NOL4: variants seen among roughly 807,000 people sequenced by gnomAD.
The protein encoded by NOL4 is nucleolar protein 4.
A neutral mutation model predicts 75.9 loss-of-function variants in NOL4; 17 were observed. The ratio of observed to expected loss-of-function variants is 0.22; its 90% CI spans 0.15 to 0.34. The LOEUF is 0.34. Ranked by LOEUF, NOL4 falls within the 10% of genes least tolerant of loss-of-function variation. NOL4 has a pLI of 1.00. For synonymous variants in NOL4, 292 were observed against 289.9 expected (o/e 1.01, Z -0.07); for missense variants, 614 against 793.5 (o/e 0.77, Z 2.72).
intron 9 of NOL4, among the ~76,000 whole-genome samples, chr18:33,916,239 G>T (rs894190032): frequency 2.0e-5 from 3 of 152,072 alleles, no homozygotes; most frequent in Non-Finnish European, 2.9e-5. Context: ...GACTCTCTAT[G>T]TTTCATGAGT....
At chr18:34,210,617 A>G (rs759649544) in intron 1 of NOL4, among the ~76,000 whole-genome samples, 1 of 152,204 alleles carries the variant, frequency 6.6e-6, no homozygotes, top group Non-Finnish European at 1.5e-5. Context: ...AAGAAAGAGA[A>G]AGTTAGTGTT....
chr18:33,880,421 T>G (rs1363309211), intron 10 of NOL4, among the ~76,000 whole-genome samples: 1 of 151,928 alleles, frequency 6.6e-6, no homozygotes, highest in East Asian at 1.9e-4. Flanking sequence ...TATCCATGTA[T>G]TTTTTCCTCA....
chr18:34,022,742 C>A (rs910951309), intron 5 of NOL4, among the ~76,000 whole-genome samples: 1 of 151,794 alleles, frequency 6.6e-6, no homozygotes, highest in Non-Finnish European at 1.5e-5. Flanking sequence ...GGTTAAATAA[C>A]CCTAAGTATA....
At position 34,224,545 on chromosome 18, in the gene NOL4, A is replaced by C. The variant is rs1184387294; in HGVS notation, c.-1292T>G. ...GCGGCGGCTGCGGCCGCTCCTCTTT[A>C]TTCTACTCTCACCCGAGGCCCGCGC... On this transcript the variant is annotated 5_prime_UTR_variant, in exon 1 of 11. Transcript: ENST00000261592. The C allele has an allele frequency of 6.6e-6, 1 of 151,812 alleles. No homozygotes were observed. The allele number at this position is 151,812 out of a possible 1,614,324, so 9.4% of individuals were successfully genotyped here.
intron 9 of NOL4, among the ~76,000 whole-genome samples, chr18:33,890,397 A>G (rs2065024198): frequency 6.6e-6 from 1 of 152,146 alleles, no homozygotes; most frequent in Non-Finnish European, 1.5e-5. Context: ...ATGGAATAAC[A>G]TTCCATGCTC....
chr18:33,894,000 A>T (rs1441043618), intron 9 of NOL4, among the ~76,000 whole-genome samples: 6 of 152,114 alleles, frequency 3.9e-5, no homozygotes, highest in Admixed American at 2.6e-4. Context: ...TTTGTAATCT[A>T]TATGAAAAAG....
In NOL4 at chr18:34,040,929, A is replaced by T. The variant is rs566629822; in HGVS notation, c.773-21328T>A. On this transcript the variant is annotated intron_variant, in intron 5 of 10. Coordinates refer to ENST00000261592, the MANE Select transcript of NOL4 (RefSeq NM_003787.5). ...AGTGTTTATTCTTCAAAATATTAGA[A>T]ATGGGTGCAGAGAACATTTAAGTTG... Among the ~76,000 whole-genome samples, 326 of 152,110 alleles carry T rather than the reference A, an allele frequency of 2.1e-3. 1 individual carries two copies. Among genetic ancestry groups the T allele is most frequent in the Non-Finnish European group, 3.8e-3 (257 of 67,908 alleles).
chr18:34,219,750 T>C (rs1381076605), intron 1 of NOL4, among the ~76,000 whole-genome samples: 2 of 152,266 alleles, frequency 1.3e-5, no homozygotes, highest in African/African-American at 4.8e-5. Flanking sequence ...ATAACAGTGG[T>C]ACTATCTAAA....
At chr18:34,171,363 G>T (rs987852121) in intron 1 of NOL4, among the ~76,000 whole-genome samples, 2 of 152,050 alleles carry the variant, frequency 1.3e-5, no homozygotes, top group East Asian at 3.9e-4. Flanking sequence ...CATTTGATAG[G>T]CTTGGCTAGT....
At chr18:33,966,863 A>G (rs2070645805) in intron 6 of NOL4, among the ~76,000 whole-genome samples, 1 of 152,186 alleles carries the variant, frequency 6.6e-6, no homozygotes. Flanking sequence ...TCCCATGCTC[A>G]TGGATTGGAA....
At chr18:34,167,532 T>TTAGATAGA (rs71159861) in intron 1 of NOL4, among the ~76,000 whole-genome samples, 10,912 of 149,914 alleles carry the variant, frequency 0.073, 410 homozygotes, top group Middle Eastern at 0.093. Flanking sequence ...CCTCAAATAA[T>TTAGATAGA]TAGATAGATA....
intron 2 of NOL4, among the ~76,000 whole-genome samples, chr18:34,115,632 G>A (rs1344105721): frequency 6.6e-6 from 1 of 152,064 alleles, no homozygotes; most frequent in African/African-American, 2.4e-5. Context: ...GTCCTAATAG[G>A]TTTTTTACGC....
At chr18:34,123,226 A>G (rs1668352710) in intron 2 of NOL4, among the ~76,000 whole-genome samples, 1 of 151,552 alleles carries the variant, frequency 6.6e-6, no homozygotes, top group Admixed American at 6.6e-5. Context: ...TATATGAGAT[A>G]TATAATTCAA....
At position 33,855,029 on chromosome 18, in the gene NOL4, A is replaced by G. The variant is rs537960950; in HGVS notation, c.1724-1994T>C. On this transcript the variant is annotated intron_variant, in intron 10 of 10. Coordinates refer to ENST00000261592, the MANE Select transcript of NOL4 (RefSeq NM_003787.5). ...CATTTAGAGGCTATTCACATCTCCC[A>G]AGTTATTATTATTCTTTGTCTGAAA... is the stretch of plus-strand genomic sequence containing the variant. 1.4e-4 allele frequency among the ~76,000 whole-genome samples: 21 copies of G among 152,130 alleles called. 2 individuals carry two copies. Among genetic ancestry groups the G allele is most frequent in the South Asian group, 1.0e-3 (5 of 4,828 alleles).
intron 1 of NOL4, among the ~76,000 whole-genome samples, chr18:34,211,717 T>C (rs1322116491): frequency 6.6e-6 from 1 of 152,170 alleles, no homozygotes; most frequent in East Asian, 1.9e-4. Flanking sequence ...CTATCACAAA[T>C]GAATATTTGA....
intron 1 of NOL4, among the ~76,000 whole-genome samples, chr18:34,156,144 G>A (rs2030347356): frequency 1.3e-5 from 2 of 151,976 alleles, no homozygotes; most frequent in East Asian, 1.9e-4. Context: ...AGAACTTCCC[G>A]TGCATTATAT....
At chr18:33,898,550 C>G (rs962144838) in intron 9 of NOL4, among the ~76,000 whole-genome samples, 3 of 152,046 alleles carry the variant, frequency 2.0e-5, no homozygotes, top group African/African-American at 7.2e-5. Flanking sequence ...ATTTTTTCTT[C>G]TCTTAGTACC....
intron 6 of NOL4, among the ~76,000 whole-genome samples, chr18:33,970,297 T>C (rs2070949606): frequency 6.6e-6 from 1 of 152,208 alleles, no homozygotes; most frequent in African/African-American, 2.4e-5. Context: ...CAAAACAGTA[T>C]ATATGACCTT....
chr18:33,892,772 C>T, intron 9 of NOL4, among the ~76,000 whole-genome samples: 1 of 152,072 alleles, frequency 6.6e-6, no homozygotes, highest in East Asian at 1.9e-4. Context: ...ATCCTCTTGC[C>T]TCAGCCTTGT....
Sources: gnomAD v4.1 joint callset for allele counts (sites outside exome capture counted in the v4.1 genomes callset) on GRCh38, gnomAD v4.1.1 for gene constraint, MANE v1.5 for transcripts, NCBI Gene and HGNC (gene_info 2026-07-23, HGNC 2026-07-21) for gene names.